Variants in ROBO1 observed in about 807,000 individuals in gnomAD.
The protein encoded by ROBO1 is roundabout homolog 1.
ROBO1 carries 149 observed loss-of-function variants against 195.9 expected under a neutral mutation model. The ratio of observed to expected loss-of-function variants is 0.76; its 90% CI spans 0.67 to 0.87. The LOEUF is 0.87. ROBO1 is among the 40% of genes least tolerant of loss of function. The pLI, the probability that ROBO1 is intolerant of heterozygous loss-of-function variation, is 0.00. For synonymous variants in ROBO1, 816 were observed against 733.2 expected, an observed-to-expected ratio of 1.11 and a Z score of -1.82; for missense variants, 1,933 against 2,068.3, an observed-to-expected ratio of 0.93 and a Z score of 1.27.
intron 4 of ROBO1, among the ~76,000 whole-genome samples, chr3:78,912,520 G>A (rs566142010): frequency 9.2e-5 from 14 of 152,028 alleles, no homozygotes; most frequent in Non-Finnish European, 1.8e-4. Context: ...TTAAATATTC[G>A]TAATGGATTA....
At chr3:79,748,557 T>C (rs1312055752) in intron 1 of ROBO1, among the ~76,000 whole-genome samples, 1 of 152,146 alleles carries the variant, frequency 6.6e-6, no homozygotes, top group Non-Finnish European at 1.5e-5. Flanking sequence ...TCTACATTTC[T>C]TTTCTGGTTT....
chr3:79,646,123 A>G (rs948205672), intron 1 of ROBO1, among the ~76,000 whole-genome samples: 3 of 152,116 alleles, frequency 2.0e-5, no homozygotes, highest in Non-Finnish European at 4.4e-5. Flanking sequence ...CTAAGGAAAC[A>G]ATCAATAAAG....
At chr3:79,511,964 A>C (rs568616652) in intron 2 of ROBO1, among the ~76,000 whole-genome samples, 1 of 152,260 alleles carries the variant, frequency 6.6e-6, no homozygotes, top group African/African-American at 2.4e-5. Flanking sequence ...AAAAATAATT[A>C]ATGGATACTG....
chr3:78,756,559 T>A (rs2082937167), intron 4 of ROBO1, among the ~76,000 whole-genome samples: 1 of 152,184 alleles, frequency 6.6e-6, no homozygotes, highest in Non-Finnish European at 1.5e-5. Context: ...ACACTATATT[T>A]GGTGATGGTA....
In ROBO1 at chr3:79,031,694, C is replaced by T. The variant is rs983457206; in HGVS notation, c.173-92767G>A. On this transcript the variant is annotated intron_variant, in intron 3 of 30. Coordinates refer to ENST00000464233, the MANE Select transcript of ROBO1 (RefSeq NM_002941.4). ...AGTAATACACATAAAGCGCTTGTAA[C>T]GGAATTAGCAATCATCAAACATTAA... Among the ~76,000 whole-genome samples, 5 of 151,942 alleles carry T rather than the reference C, an allele frequency of 3.3e-5. No individual in the cohort carries two copies. The South Asian group carries it at 6.2e-4, about 19-fold the overall frequency.
At chr3:79,015,008 C>G (rs2108235619) in intron 3 of ROBO1, among the ~76,000 whole-genome samples, 1 of 152,144 alleles carries the variant, frequency 6.6e-6, no homozygotes, top group Admixed American at 6.5e-5. Flanking sequence ...CATTGTTAGT[C>G]TGAAATTTAG....
intron 4 of ROBO1, among the ~76,000 whole-genome samples, chr3:78,890,495 CGTT>C (rs1248044676): frequency 3.9e-5 from 6 of 152,086 alleles, no homozygotes; most frequent in Non-Finnish European, 1.5e-5. Flanking sequence ...GAGAAGTAAA[CGTT>C]GGTTGTTTAA....
At chr3:79,651,896 C>T (rs1190241112) in intron 1 of ROBO1, among the ~76,000 whole-genome samples, 1 of 152,136 alleles carries the variant, frequency 6.6e-6, no homozygotes, top group Non-Finnish European at 1.5e-5. Context: ...AATTCACCAA[C>T]ATTTTTTCTC....
intron 2 of ROBO1, among the ~76,000 whole-genome samples, chr3:79,506,304 T>C (rs1271266707): frequency 6.6e-6 from 1 of 152,122 alleles, no homozygotes; most frequent in Admixed American, 6.5e-5. Context: ...AATCGTAAGA[T>C]GCCTAACCAG....
intron 3 of ROBO1, among the ~76,000 whole-genome samples, chr3:79,041,796 C>A (rs2078492212): frequency 6.6e-6 from 1 of 152,160 alleles, no homozygotes; most frequent in Non-Finnish European, 1.5e-5. Flanking sequence ...GGCATACATG[C>A]CACCAGCCTC....
chr3:79,766,099 A>T (rs1490101138), intron 1 of ROBO1, among the ~76,000 whole-genome samples: 1 of 129,944 alleles, frequency 7.7e-6, no homozygotes, highest in Admixed American at 7.4e-5. Flanking sequence ...TCCTCCCTTC[A>T]TCTATAGAAG....
rs547907675 is a variant in ROBO1 at position 79,428,192 on chromosome 3, A to G, written c.88+161632T>C. On this transcript the variant is annotated intron_variant, in intron 2 of 30. Transcript: ENST00000464233. ...AGACATATAAGTGGCAAACAGGTAT[A>G]TAAAAAGGTGTCCAATAGAGGTATC... is the stretch of plus-strand genomic sequence containing the variant. 5.9e-5 allele frequency among the ~76,000 whole-genome samples: 9 copies of G among 152,280 alleles called. No homozygotes were observed. The South Asian group carries it at 1.9e-3, about 32-fold the overall frequency.
chr3:79,061,064 C>T (rs2078908343), intron 3 of ROBO1, among the ~76,000 whole-genome samples: 1 of 152,048 alleles, frequency 6.6e-6, no homozygotes, highest in Admixed American at 6.6e-5. Context: ...TCAAATTGTC[C>T]CTGTTTGCAG....
At chr3:78,845,833 T>C (rs2106799948) in intron 4 of ROBO1, among the ~76,000 whole-genome samples, 1 of 152,262 alleles carries the variant, frequency 6.6e-6, no homozygotes, top group East Asian at 1.9e-4. Context: ...TACACGTGAT[T>C]ATGAAGAAAA....
intron 2 of ROBO1, among the ~76,000 whole-genome samples, chr3:79,492,721 A>C (rs1287840754): frequency 3.9e-5 from 6 of 152,114 alleles, no homozygotes; most frequent in Non-Finnish European, 8.8e-5. Context: ...TACTAAATAC[A>C]CATCTGACAT....
intron 3 of ROBO1, among the ~76,000 whole-genome samples, chr3:79,074,006 T>G (rs943567976): frequency 6.6e-6 from 1 of 151,708 alleles, no homozygotes; most frequent in Admixed American, 6.6e-5. Flanking sequence ...TGAAAATGCT[T>G]CCACAGTAAT....
chr3:78,837,218 G>T (rs1455417113), intron 4 of ROBO1, among the ~76,000 whole-genome samples: 1 of 152,020 alleles, frequency 6.6e-6, no homozygotes, highest in Non-Finnish European at 1.5e-5. Flanking sequence ...TTCAATGTTG[G>T]ATATAACCAT....
intron 3 of ROBO1, among the ~76,000 whole-genome samples, chr3:79,062,634 G>T (rs2108407956): frequency 6.6e-6 from 1 of 152,304 alleles, no homozygotes; most frequent in Admixed American, 6.5e-5. Context: ...TTAAGAAATT[G>T]TGGCACATAT....
intron 2 of ROBO1, among the ~76,000 whole-genome samples, chr3:79,331,756 G>C (rs1258327432): frequency 6.6e-6 from 1 of 152,160 alleles, no homozygotes; most frequent in African/African-American, 2.4e-5. Context: ...ACTCTTGGAG[G>C]ACAATAGGTT....
Sources: allele counts gnomAD v4.1 joint callset (sites outside exome capture counted in the v4.1 genomes callset), GRCh38; gene constraint gnomAD v4.1.1; transcripts MANE v1.5; gene names NCBI Gene and HGNC (gene_info 2026-07-23, HGNC 2026-07-21).